Variants in SAMHD1 observed in about 807,000 individuals in gnomAD.
SAMHD1 encodes the protein deoxynucleoside triphosphate triphosphohydrolase SAMHD1.
A neutral mutation model predicts 79.6 loss-of-function variants in SAMHD1; 54 were observed. That is an observed-to-expected ratio of 0.68 (90% CI 0.55 to 0.85). The LOEUF is 0.85. SAMHD1 is among the 40% of genes least tolerant of loss of function. The pLI is 0.00. For missense variants in SAMHD1, 663 were observed against 782.7 expected, an observed-to-expected ratio of 0.85 and a Z score of 1.82; for synonymous variants, 260 against 264.1, an observed-to-expected ratio of 0.98 and a Z score of 0.15.
rs778016497 is a variant in SAMHD1 at position 36,891,084 on chromosome 20, G to A, written c.*1848C>T. ...TTGGCTAAAATGGGAATGACCTAGT[G>A]CCATGGCTGACCTCACTTGTGCGTT... On this transcript the variant is annotated 3_prime_UTR_variant, in exon 16 of 16. Transcript: ENST00000646673. 2.6e-5 allele frequency: 4 copies of A among 152,224 alleles called. No individual in the cohort carries two copies. Among genetic ancestry groups the A allele is most frequent in the Non-Finnish European group, 2.9e-5 (2 of 68,036 alleles). 9.4% of individuals were successfully genotyped at this position (152,224 alleles called of 1,614,324 possible). A position where few individuals can be genotyped will look rare whatever the true frequency, so the allele number is the denominator to read the frequency against.
At chr20:36,914,313 T>A (rs970316035) in intron 9 of SAMHD1, among the ~76,000 whole-genome samples, 1 of 152,108 alleles carries the variant, frequency 6.6e-6, no homozygotes, top group African/African-American at 2.4e-5. Flanking sequence ...TTCCACTTAA[T>A]GAATAGTAAA....
In SAMHD1 at chr20:36,890,560, A is replaced by T. The variant is rs1990049737; in HGVS notation, c.*2372T>A. On this transcript the variant is annotated 3_prime_UTR_variant, in exon 16 of 16. Transcript: ENST00000646673. ...GCTCACTGCAACCTCTGCCTCCCGGATTCAAGCGATTCTCCTGCCTCAGCC... is the reference window on the plus strand; with the variant it reads ...GCTCACTGCAACCTCTGCCTCCCGGTTTCAAGCGATTCTCCTGCCTCAGCC... The T allele has an allele frequency of 6.6e-6, 1 of 151,506 alleles. No individual in the cohort carries two copies. The highest frequency in any genetic ancestry group is 2.4e-5 in the African/African-American group (1 of 41,262). The allele number at this position is 151,506 out of a possible 1,614,324, so 9.4% of individuals were successfully genotyped here.
At chr20:36,927,714 A>G (rs1568775150) in intron 5 of SAMHD1, among the ~76,000 whole-genome samples, 2 of 152,196 alleles carry the variant, frequency 1.3e-5, no homozygotes, top group Non-Finnish European at 2.9e-5. Flanking sequence ...CTTTCTTCCT[A>G]TTTCTAAAAC....
chr20:36,918,801 C>CA (rs60403097), intron 7 of SAMHD1, among the ~76,000 whole-genome samples: 240 of 65,362 alleles, frequency 3.7e-3, no homozygotes, highest in African/African-American at 4.1e-3. Context: ...GACTCTATCT[C>CA]AAAAAAAAAA....
In SAMHD1 at chr20:36,893,004, T is replaced by C; in HGVS notation, c.1809A>G (p.Ser603=). ...CTCGGAGGCGAGTTGGATTTTGGAC[T>C]GAAGTACTGTCGTTCCATTCCTTTT... ...PQKKEWNDST[S]VQNPTRLREA... Residue 603 remains serine, a synonymous_variant, in exon 16 of 16, where the codon TCA becomes TCG. Transcript: ENST00000646673. 6.2e-7 allele frequency: 1 copy of C among 1,614,144 alleles called. No individual in the cohort carries two copies. Among genetic ancestry groups the C allele is most frequent in the Non-Finnish European group, 8.5e-7 (1 of 1,180,034 alleles).
chr20:36,947,492 AGTGT>A (rs10608624), intron 1 of SAMHD1, among the ~76,000 whole-genome samples: 29 of 36,242 alleles, frequency 8.0e-4, no homozygotes, highest in Middle Eastern at 0.019. Context: ...TGTGTGTGTG[AGTGT>A]GTGTGTGTGT....
At chr20:36,901,436 A>G (rs903008137) in intron 13 of SAMHD1, among the ~76,000 whole-genome samples, 1 of 152,190 alleles carries the variant, frequency 6.6e-6, no homozygotes, top group Non-Finnish European at 1.5e-5. Context: ...AAGATAAACA[A>G]AAGTTTAAAC....
chr20:36,928,245 C>T (rs1334055489), intron 5 of SAMHD1, among the ~76,000 whole-genome samples: 6 of 151,608 alleles, frequency 4.0e-5, no homozygotes, highest in East Asian at 1.9e-4. Context: ...AAAAATTAGC[C>T]GGGCTTGGTG....
chr20:36,917,018 C>G lies in SAMHD1; in HGVS notation c.884G>C (p.Ser295Thr). The G allele has an allele frequency of 6.2e-7, 1 of 1,613,924 alleles. No individual in the cohort carries two copies. Among genetic ancestry groups the G allele is most frequent in the Non-Finnish European group, 8.5e-7 (1 of 1,179,892 alleles). The part of the protein sequence containing the change: ...WPYKGRPENK[S>T]FLYEIVSNKR... Reference sequence around the variant, plus strand: ...ATTAGATACTATCTCATAAAGGAAGCTTTTGTTTTCAGGACGCCCTTTATA... The same window carrying G: ...ATTAGATACTATCTCATAAAGGAAGGTTTTGTTTTCAGGACGCCCTTTATA... Residue 295 changes from serine (S) to threonine (T), a missense_variant, in exon 8 of 16, where the codon AGC becomes ACC. Coordinates refer to ENST00000646673, the MANE Select transcript of SAMHD1 (RefSeq NM_015474.4).
chr20:36,901,693 A>G (rs779973121), intron 13 of SAMHD1, among the ~76,000 whole-genome samples: 4 of 151,754 alleles, frequency 2.6e-5, no homozygotes, highest in Non-Finnish European at 5.9e-5. Context: ...CTGTGATTAC[A>G]TCACTGCACT....
chr20:36,939,556 C>T (rs1417041068), intron 3 of SAMHD1, among the ~76,000 whole-genome samples: 1 of 151,976 alleles, frequency 6.6e-6, no homozygotes, highest in African/African-American at 2.4e-5. Context: ...GATTGTGCCA[C>T]TGCACTCCAG....
chr20:36,944,909 T>C (rs935420768), intron 2 of SAMHD1, among the ~76,000 whole-genome samples: 5 of 152,194 alleles, frequency 3.3e-5, no homozygotes, highest in East Asian at 1.9e-4. Flanking sequence ...AAAAGAAGTA[T>C]TTAAGCACCA....
chr20:36,904,053 G>T, intron 13 of SAMHD1, 104 bp downstream of exon 13: 1 of 553,014 alleles, frequency 1.8e-6, no homozygotes, highest in Non-Finnish European at 3.4e-6. Context: ...TCATCTTTCT[G>T]TATTTTTCTA....
At chr20:36,948,612 T>A (rs1158611925) in intron 1 of SAMHD1, among the ~76,000 whole-genome samples, 1 of 148,982 alleles carries the variant, frequency 6.7e-6, no homozygotes, top group Non-Finnish European at 1.5e-5. Context: ...CTCACACCTG[T>A]AATCCCAGCA....
chr20:36,947,000 T>G (rs1371037487), intron 1 of SAMHD1, 196 bp from the exon 2 acceptor site: 2 of 451,146 alleles, frequency 4.4e-6, no homozygotes, highest in Non-Finnish European at 4.0e-6. Context: ...CAAGAAGCAT[T>G]TTTTGATAAA....
At chr20:36,907,280 G>A (rs1453956384) in intron 11 of SAMHD1, among the ~76,000 whole-genome samples, 1 of 149,256 alleles carries the variant, frequency 6.7e-6, no homozygotes, top group Admixed American at 6.7e-5. Flanking sequence ...TTGTTTTTGA[G>A]ACAGGGTCTC....
intron 15 of SAMHD1, among the ~76,000 whole-genome samples, chr20:36,896,253 A>G (rs936060929): frequency 4.0e-5 from 6 of 151,574 alleles, no homozygotes; most frequent in African/African-American, 7.3e-5. Flanking sequence ...GATTACAGGC[A>G]TGAGCCACCG....
At chr20:36,913,161 T>A (rs2063455670) in intron 9 of SAMHD1, among the ~76,000 whole-genome samples, 1 of 150,834 alleles carries the variant, frequency 6.6e-6, no homozygotes, top group Admixed American at 6.6e-5. Flanking sequence ...CAAGCCCGGC[T>A]AATTTTTTTG....
At chr20:36,904,506 CG>C (rs1207059788) in intron 12 of SAMHD1, 3 of 418,654 alleles carry the variant, frequency 7.2e-6, no homozygotes, top group Non-Finnish European at 1.3e-5. Context: ...ATCATGAGGT[CG>C]GGAGTTCGAG....
Sources: allele counts gnomAD v4.1 joint callset (sites outside exome capture counted in the v4.1 genomes callset), GRCh38; gene constraint gnomAD v4.1.1; transcripts MANE v1.5; gene names NCBI Gene and HGNC (gene_info 2026-07-23, HGNC 2026-07-21).